Variants in WNT3 observed in about 807,000 individuals in gnomAD.
WNT3 encodes proto-oncogene Wnt-3.
In WNT3, 7 loss-of-function variants were observed where a neutral mutation model predicts 34.2. The ratio of observed to expected loss-of-function variants is 0.20; its 90% CI spans 0.12 to 0.38. The LOEUF is 0.38. Ranked by LOEUF, WNT3 falls within the 10% of genes least tolerant of loss-of-function variation. WNT3 has a pLI of 1.00. For missense variants in WNT3, 267 were observed against 499.8 expected, an observed-to-expected ratio of 0.53 and a Z score of 4.44; for synonymous variants, 212 against 211.5, an observed-to-expected ratio of 1.00 and a Z score of -0.02.
chr17:46,785,329 C>T (rs1342656069), intron 1 of WNT3, among the ~76,000 whole-genome samples: 1 of 152,216 alleles, frequency 6.6e-6, no homozygotes, highest in Non-Finnish European at 1.5e-5. Flanking sequence ...CATTGTGTCA[C>T]TAATGTCACC....
chr17:46,769,036 C>T (rs2059339174), intron 3 of WNT3, among the ~76,000 whole-genome samples: 2 of 152,210 alleles, frequency 1.3e-5, no homozygotes, highest in African/African-American at 2.4e-5. Context: ...GCATGAAATA[C>T]GAGTTGTTGC....
chr17:46,783,144 T>C lies in WNT3; in HGVS notation c.81-9235A>G, dbSNP rs148967885. ...CAGCAGGGGTGGGAGCACCCTTGCC[T>C]ATGTCTAGGACAGGAAGGGAAGGGT... On this transcript the variant is annotated intron_variant, in intron 1 of 4. Coordinates refer to ENST00000225512, the MANE Select transcript of WNT3 (RefSeq NM_030753.5). Among the ~76,000 whole-genome samples, 319 of 152,256 alleles carry C rather than the reference T, an allele frequency of 2.1e-3. 2 individuals carry two copies. Among genetic ancestry groups the C allele is most frequent in the Non-Finnish European group, 3.6e-3 (243 of 68,014 alleles).
At chr17:46,808,977 G>A (rs1363502762) in intron 1 of WNT3, among the ~76,000 whole-genome samples, 5 of 152,192 alleles carry the variant, frequency 3.3e-5, no homozygotes, top group Non-Finnish European at 7.3e-5. Context: ...TGGGGTCCGA[G>A]CTGAGCAGCG....
chr17:46,815,440 G>A (rs1349886130), intron 1 of WNT3, among the ~76,000 whole-genome samples: 1 of 152,146 alleles, frequency 6.6e-6, no homozygotes, highest in Non-Finnish European at 1.5e-5. Context: ...CCAGCTACAT[G>A]ACTTCCCCTG....
chr17:46,793,737 C>T (rs1323348793), intron 1 of WNT3, among the ~76,000 whole-genome samples: 1 of 152,188 alleles, frequency 6.6e-6, no homozygotes, highest in East Asian at 1.9e-4. Context: ...GGGTAGATGA[C>T]ACACGTTCCC....
At chr17:46,804,481 G>A (rs1318945419) in intron 1 of WNT3, among the ~76,000 whole-genome samples, 1 of 152,074 alleles carries the variant, frequency 6.6e-6, no homozygotes, top group Admixed American at 6.5e-5. Flanking sequence ...CTATGGGGAA[G>A]GGAAGTGCTG....
At chr17:46,814,243 G>A (rs1018278740) in intron 1 of WNT3, among the ~76,000 whole-genome samples, 3 of 152,176 alleles carry the variant, frequency 2.0e-5, no homozygotes, top group African/African-American at 4.8e-5. Context: ...CCCTGAGAGC[G>A]TCCCCTTCCC....
intron 1 of WNT3, among the ~76,000 whole-genome samples, chr17:46,802,687 A>G (rs2084141373): frequency 6.6e-6 from 1 of 152,192 alleles, no homozygotes; most frequent in African/African-American, 2.4e-5. Flanking sequence ...TACCTATGGA[A>G]TGAAGCCCCC....
At chr17:46,795,427 T>C (rs967481748) in intron 1 of WNT3, among the ~76,000 whole-genome samples, 1 of 152,092 alleles carries the variant, frequency 6.6e-6, no homozygotes, top group Non-Finnish European at 1.5e-5. Flanking sequence ...CTCTGGGGTC[T>C]GAGAAGACCA....
chr17:46,788,437 C>A (rs1598775310), intron 1 of WNT3, among the ~76,000 whole-genome samples: 1 of 152,298 alleles, frequency 6.6e-6, no homozygotes, highest in East Asian at 1.9e-4. Context: ...CATTGCTATA[C>A]CCTTCAAGCC....
intron 1 of WNT3, among the ~76,000 whole-genome samples, chr17:46,783,477 G>A (rs567748687): frequency 6.6e-6 from 1 of 152,352 alleles, no homozygotes; most frequent in Admixed American, 6.5e-5. Flanking sequence ...AGCCACACCT[G>A]AGGAGCACCC....
chr17:46,818,401 G>C, intron 1 of WNT3, 117 bp downstream of exon 1: 1 of 1,023,592 alleles, frequency 9.8e-7, no homozygotes, highest in Non-Finnish European at 1.5e-6. Flanking sequence ...TGGGGGGCTG[G>C]AGGGAGGCGA....
chr17:46,816,195 C>T (rs1276101688), intron 1 of WNT3, among the ~76,000 whole-genome samples: 3 of 150,296 alleles, frequency 2.0e-5, no homozygotes, highest in Non-Finnish European at 3.0e-5. Context: ...TCAAGCCCAG[C>T]GTCACAGGCA....
intron 1 of WNT3, among the ~76,000 whole-genome samples, chr17:46,781,973 A>G (rs1404112640): frequency 6.6e-6 from 1 of 152,202 alleles, no homozygotes; most frequent in East Asian, 1.9e-4. Flanking sequence ...CCTGGGGGTG[A>G]TGAATGCACA....
At chr17:46,769,146 G>A (rs1310432966) in intron 3 of WNT3, among the ~76,000 whole-genome samples, 2 of 151,898 alleles carry the variant, frequency 1.3e-5, no homozygotes, top group Non-Finnish European at 2.9e-5. Context: ...GCGAAACCCC[G>A]TCTCTACTAA....
chr17:46,768,474 T>G lies in WNT3; in HGVS notation c.914A>C (p.His305Pro), dbSNP rs536348987. Residue 305 changes from histidine to proline, a missense_variant, in exon 4 of 5, where the codon CAC (histidine) becomes CCC (proline). Coordinates refer to ENST00000225512, the MANE Select transcript of WNT3 (RefSeq NM_030753.5). The surrounding 1 kb of genome is among the most constrained non-coding windows in gnomAD (Gnocchi z 5.0). ...TRDRTCNVTS[H>P]GIDGCDLLCC... ...GAGCAGATCGCAGCCATCGATGCCG[T>G]GGGAGGTGACATTGCAAGTCCGGTC... The G allele has an allele frequency of 2.5e-6, 4 of 1,614,104 alleles. No homozygotes were observed. In the South Asian group the frequency reaches 4.4e-5, roughly 18 times the overall value.
At chr17:46,816,468 AACACACGCACAC>A (rs746714765) in intron 1 of WNT3, among the ~76,000 whole-genome samples, 2 of 96,528 alleles carry the variant, frequency 2.1e-5, no homozygotes, top group South Asian at 3.9e-4. Context: ...ATAGACCCAG[AACACACGCACAC>A]ACACACACAC....
Position 46,818,585 on chromosome 17 carries a change from G to T in WNT3, c.13C>A (p.Leu5Met), listed in dbSNP as rs140453711. The T allele has an allele frequency of 1.2e-5, 20 of 1,602,432 alleles. No individual in the cohort carries two copies. In the African/African-American group the frequency reaches 2.3e-4, roughly 18 times the overall value. The part of the protein sequence containing the change: MEPH[L>M]LGLLLGLLLG... Reference sequence around the variant, plus strand: ...AGGAGGCCGAGGAGCAGCCCGAGCAGGTGGGGCTCCATTAGAAGAGGCGCC... The same window carrying T: ...AGGAGGCCGAGGAGCAGCCCGAGCATGTGGGGCTCCATTAGAAGAGGCGCC... The change falls in exon 1 of 5, where the codon CTG becomes ATG. Residue 5 changes from leucine to methionine, a missense_variant. This residue lies in a region of WNT3 where 26 missense variants were observed against 25.8 expected (regional missense o/e 1.01). Coordinates refer to ENST00000225512, the MANE Select transcript of WNT3 (RefSeq NM_030753.5).
intron 1 of WNT3, among the ~76,000 whole-genome samples, chr17:46,793,265 C>G (rs540149511): frequency 3.2e-5 from 3 of 94,666 alleles, no homozygotes; most frequent in Non-Finnish European, 4.0e-5. Context: ...CAGAGTGAGA[C>G]CCTGTCTAAA....
Sources: gnomAD v4.1 joint callset for allele counts (sites outside exome capture counted in the v4.1 genomes callset) on GRCh38, gnomAD v4.1.1 for gene constraint, gnomAD v4.1.1 regional missense constraint, Gnocchi (gnomAD v3.1) non-coding constraint, MANE v1.5 for transcripts, NCBI Gene and HGNC (gene_info 2026-07-23, HGNC 2026-07-21) for gene names.